Variants in PTPRO observed in about 807,000 individuals in gnomAD.
PTPRO encodes protein tyrosine phosphatase receptor type O.
PTPRO carries 62 observed loss-of-function variants against 145.2 expected under a neutral mutation model. The ratio of observed to expected loss-of-function variants is 0.43; its 90% CI spans 0.35 to 0.53. The LOEUF is 0.53. Among genes scored for constraint, PTPRO ranks in the 20% least tolerant of loss-of-function variants. The pLI is 0.01. For missense variants in PTPRO, 1,345 were observed against 1,482.7 expected (o/e 0.91, Z 1.53); for synonymous variants, 565 against 514.7 (o/e 1.10, Z -1.32).
chr12:15,394,411 G>T (rs1372745117), intron 1 of PTPRO, among the ~76,000 whole-genome samples: 1 of 151,938 alleles, frequency 6.6e-6, no homozygotes, highest in Non-Finnish European at 1.5e-5. Flanking sequence ...GCCAAGCAGC[G>T]GCATACCAAG....
chr12:15,507,410 A>AAAATAAATAAATAAATAAAT (rs201609031), intron 6 of PTPRO, among the ~76,000 whole-genome samples: 1 of 122,916 alleles, frequency 8.1e-6, no homozygotes. Flanking sequence ...ACTCCATCTC[A>AAAATAAATAAATAAATAAAT]AAATAAATAA....
At chr12:15,560,521 T>C (rs1943746704) in intron 17 of PTPRO, among the ~76,000 whole-genome samples, 1 of 152,104 alleles carries the variant, frequency 6.6e-6, no homozygotes, top group Admixed American at 6.6e-5. Context: ...TAGTTATTTG[T>C]TTCTTCATTG....
chr12:15,344,349 G>A (rs757236256), intron 1 of PTPRO, among the ~76,000 whole-genome samples: 73 of 152,160 alleles, frequency 4.8e-4, no homozygotes, highest in Admixed American at 2.9e-3. Context: ...ACTTTTCAGA[G>A]CACTCTTTTG....
At chr12:15,581,636 C>T (rs766254233) in intron 22 of PTPRO, 43 bp from the exon 23 acceptor site, 3 of 1,605,838 alleles carry the variant, frequency 1.9e-6, no homozygotes, top group South Asian at 2.2e-5. Flanking sequence ...TAATTCCTTT[C>T]CTAGCCTGTT....
intron 2 of PTPRO, among the ~76,000 whole-genome samples, chr12:15,485,440 T>C (rs1468364229): frequency 6.6e-6 from 1 of 152,162 alleles, no homozygotes; most frequent in Non-Finnish European, 1.5e-5. Flanking sequence ...ACGCCTACAA[T>C]ACAAACTCCT....
At chr12:15,353,707 T>C (rs1304738) in intron 1 of PTPRO, among the ~76,000 whole-genome samples, 36,877 of 152,132 alleles carry the variant, frequency 0.24, 4,693 homozygotes, top group Non-Finnish European at 0.29. Context: ...GTTCTTTGGC[T>C]ATCTGGTATG....
At position 15,445,848 on chromosome 12, in the gene PTPRO, C is replaced by T. The variant is rs1220847503; in HGVS notation, c.76-38126C>T. Reference sequence around the variant, plus strand: ...TTATCTCCCTAGGCCAGGTCTTTGACATGTCTGGAACAAAACTCAGCCAAA... The same window carrying T: ...TTATCTCCCTAGGCCAGGTCTTTGATATGTCTGGAACAAAACTCAGCCAAA... On this transcript the variant is annotated intron_variant, in intron 1 of 26. Coordinates refer to ENST00000281171, the MANE Select transcript of PTPRO (RefSeq NM_030667.3). Among the ~76,000 whole-genome samples, 3 of 152,056 alleles carry T rather than the reference C, an allele frequency of 2.0e-5. No individual in the cohort carries two copies. The East Asian group carries it at 5.8e-4, about 29-fold the overall frequency.
At chr12:15,337,491 G>A (rs1233757034) in intron 1 of PTPRO, 3 of 152,082 alleles carry the variant, frequency 2.0e-5, no homozygotes, top group South Asian at 2.1e-4. Context: ...AAACAAACAC[G>A]TTTTGTGCAG....
chr12:15,586,905 G>C lies in PTPRO; in HGVS notation c.3264G>C (p.Glu1088Asp). ...GGCTTTTTTCTCTAAAGGCTGACGAGATGCAGGATGTGATGCATTTTAACT... is the reference window on the plus strand; with the variant it reads ...GGCTTTTTTCTCTAAAGGCTGACGACATGCAGGATGTGATGCATTTTAACT... ...CRHFRINYAD[E>D]MQDVMHFNYT... Residue 1088 changes from glutamate to aspartate, a missense_variant, in exon 24 of 27, where the codon GAG (glutamate) becomes GAC (aspartate). This residue lies in a region of PTPRO where 208 missense variants were observed against 242.8 expected (regional missense o/e 0.86). Transcript: ENST00000281171. 1.2e-6 allele frequency: 2 copies of C among 1,614,004 alleles called. No individual in the cohort carries two copies. Among genetic ancestry groups the C allele is most frequent in the Non-Finnish European group, 1.7e-6 (2 of 1,179,956 alleles).
chr12:15,539,581 G>T lies in PTPRO; in HGVS notation c.2165-6988G>T, dbSNP rs772598350. Among the ~76,000 whole-genome samples, 179 of 151,902 alleles carry T rather than the reference G, an allele frequency of 1.2e-3. 1 individual carries two copies. The highest frequency in any genetic ancestry group is 2.7e-3 in the South Asian group (13 of 4,800). ...GTTCGAGACCAGCCTGCGCAACATG[G>T]TGAAACCCTGTTTCTACTAAAACTA... is the stretch of plus-strand genomic sequence containing the variant. On this transcript the variant is annotated intron_variant, in intron 12 of 26. Transcript: ENST00000281171.
chr12:15,492,301 A>T (rs1297360845), intron 2 of PTPRO, among the ~76,000 whole-genome samples: 2 of 152,222 alleles, frequency 1.3e-5, no homozygotes, highest in Non-Finnish European at 1.5e-5. Flanking sequence ...CAACGATAAC[A>T]GTTCAGATTA....
At chr12:15,535,538 G>A (rs978360886) in intron 12 of PTPRO, among the ~76,000 whole-genome samples, 1 of 152,222 alleles carries the variant, frequency 6.6e-6, no homozygotes, top group African/African-American at 2.4e-5. Flanking sequence ...TATAACTTTA[G>A]TGCTAGGAGA....
At chr12:15,376,329 C>T (rs1938686074) in intron 1 of PTPRO, among the ~76,000 whole-genome samples, 1 of 152,118 alleles carries the variant, frequency 6.6e-6, no homozygotes, top group Admixed American at 6.5e-5. Context: ...ACAATACTGT[C>T]AACCAAGAAT....
intron 1 of PTPRO, among the ~76,000 whole-genome samples, chr12:15,344,008 A>C (rs547745072): frequency 1.5e-3 from 224 of 152,354 alleles, no homozygotes; most frequent in South Asian, 3.5e-3. Flanking sequence ...TTTTTAAGAA[A>C]AGTTTCATTC....
chr12:15,407,695 CT>C (rs1939685744), intron 1 of PTPRO, among the ~76,000 whole-genome samples: 1 of 152,168 alleles, frequency 6.6e-6, no homozygotes, highest in African/African-American at 2.4e-5. Flanking sequence ...TTTTACTCCT[CT>C]TCTTCTTCAT....
chr12:15,394,027 C>T, intron 1 of PTPRO, among the ~76,000 whole-genome samples: 1 of 150,534 alleles, frequency 6.6e-6, no homozygotes, highest in Admixed American at 6.6e-5. Context: ...TGTGATAACC[C>T]AATGATCTAT....
intron 12 of PTPRO, among the ~76,000 whole-genome samples, chr12:15,534,284 T>TA (rs113128524): frequency 1.1e-4 from 17 of 151,270 alleles, no homozygotes; most frequent in African/African-American, 2.7e-4. Context: ...TTCCCAACCT[T>TA]AAAAAAAAGA....
intron 1 of PTPRO, among the ~76,000 whole-genome samples, chr12:15,356,105 T>C (rs1180382899): frequency 6.6e-6 from 1 of 152,208 alleles, no homozygotes; most frequent in Non-Finnish European, 1.5e-5. Flanking sequence ...CCAAATTGTA[T>C]AGATGTTACT....
chr12:15,379,685 A>C (rs1321383191), intron 1 of PTPRO, among the ~76,000 whole-genome samples: 1 of 152,200 alleles, frequency 6.6e-6, no homozygotes, highest in Non-Finnish European at 1.5e-5. Flanking sequence ...CAATCACAAA[A>C]GTACTTATGT....
Sources: allele counts gnomAD v4.1 joint callset (sites outside exome capture counted in the v4.1 genomes callset), GRCh38; gene constraint gnomAD v4.1.1; regional missense constraint gnomAD v4.1.1; transcripts MANE v1.5; gene names NCBI Gene and HGNC (gene_info 2026-07-23, HGNC 2026-07-21).